The following ANLN variants were observed in gnomAD, a reference collection of about 807,000 sequenced individuals.
ANLN encodes the protein anillin.
ANLN carries 59 observed loss-of-function variants against 135.1 expected under a neutral mutation model. That is an observed-to-expected ratio of 0.44 (90% CI 0.35 to 0.54). The LOEUF (loss-of-function observed/expected upper bound fraction) is 0.54, where lower values mean the gene tolerates loss of function less well. Among genes scored for constraint, ANLN ranks in the 20% least tolerant of loss-of-function variants. The probability of loss-of-function intolerance (pLI) is 0.00; values close to 1 mark genes in which losing one functional copy is unlikely to be tolerated. For synonymous variants in ANLN, 406 were observed against 456.4 expected, an observed-to-expected ratio of 0.89 and a Z score of 1.41; for missense variants, 1,182 against 1,340.0, an observed-to-expected ratio of 0.88 and a Z score of 1.84.
Position 36,447,628 on chromosome 7 carries a change from G to T in ANLN, c.3079-2037G>T, listed in dbSNP as rs568738902. Among the ~76,000 whole-genome samples the T allele has an allele frequency of 7.2e-5, 11 of 151,868 alleles. No homozygotes were observed. In the East Asian group the frequency reaches 2.1e-3, roughly 30 times the overall value. ...TTTTTAGTAGAGACGGGGTTTCACC[G>T]TGTTAGCCAGGATGGTCTTGATCTC... On this transcript the variant is annotated intron_variant, in intron 22 of 23. Transcript: ENST00000265748.
rs1384566348 is a variant in ANLN at position 36,423,853 on chromosome 7, C to A, written c.2513C>A (p.Ala838Glu). Residue 838 changes from alanine (A) to glutamate (E), a missense_variant, in exon 15 of 24, where the codon GCA (alanine) becomes GAA (glutamate). By Grantham distance (107) the Ala-to-Glu change is moderately radical. This residue lies in a region of ANLN where 1,022 missense variants were observed against 1,134.0 expected (regional missense o/e 0.90). Transcript: ENST00000265748. ...ANYYYLIILK[A>E]GAENMVATPL... The stretch of plus-strand genomic sequence containing the variant: ...TACTATTACTTAATTATACTAAAAG[C>A]AGGAGCTGAAAATATGGTAGCCACA... 3 of 1,611,832 alleles carry A rather than the reference C, an allele frequency of 1.9e-6. No individual in the cohort carries two copies. Among genetic ancestry groups the A allele is most frequent in the Non-Finnish European group, 2.5e-6 (3 of 1,178,990 alleles).
chr7:36,407,915 T>C lies in ANLN; in HGVS notation c.1055T>C (p.Ile352Thr). ...VPSKGELSRE[I>T]CLQSQSKDKS... The stretch of plus-strand genomic sequence containing the variant: ...TCCAAGGGAGAATTAAGTAGAGAAA[T>C]TTGTCTGCAATCTCAATCTAAAGAC... The change falls in exon 5 of 24, where the codon ATT becomes ACT. Residue 352 changes from isoleucine (I) to threonine (T), a missense_variant. By Grantham distance (89) the Ile-to-Thr change is moderately conservative. Coordinates refer to ENST00000265748, the MANE Select transcript of ANLN (RefSeq NM_018685.5). 6.2e-7 allele frequency: 1 copy of C among 1,613,728 alleles called. No homozygotes were observed.
chr7:36,445,714 T>C (rs906919479), intron 22 of ANLN, among the ~76,000 whole-genome samples: 2 of 152,228 alleles, frequency 1.3e-5, no homozygotes, highest in African/African-American at 4.8e-5. Flanking sequence ...TACACATGGA[T>C]GAGAGTTCTT....
intron 4 of ANLN, 94 bp downstream of exon 4, chr7:36,406,660 A>T: frequency 6.1e-6 from 7 of 1,153,626 alleles, no homozygotes; most frequent in Non-Finnish European, 8.1e-6. Context: ...GGATGGGTGG[A>T]TATATGTTTT....
chr7:36,403,023 A>G (rs1331305668), intron 3 of ANLN, among the ~76,000 whole-genome samples: 1 of 152,154 alleles, frequency 6.6e-6, no homozygotes, highest in Admixed American at 6.6e-5. Context: ...AGGCTGAGGC[A>G]GGAGAATGTC....
rs1232119109 is a variant in ANLN, at chr7:36,415,698, TAGAA to T, written c.1396-56_1396-53del. On this transcript the variant is annotated intron_variant, in intron 7 of 23. Coordinates refer to ENST00000265748, the MANE Select transcript of ANLN (RefSeq NM_018685.5). ...AATAATCTTGTTTCATTTAATAACA[TAGAA>T]AGATAAAATATATAGTTTTGAGAAA... 17 of 1,466,018 alleles carry T rather than the reference TAGAA, an allele frequency of 1.2e-5. No homozygotes were observed. In the Admixed American group the frequency reaches 2.1e-4, roughly 18 times the overall value. 90.8% of individuals were successfully genotyped at this position (1,466,018 alleles called of 1,614,324 possible).
chr7:36,443,649 A>C, intron 21 of ANLN, 106 bp from the exon 22 acceptor site: 1 of 641,058 alleles, frequency 1.6e-6, no homozygotes, highest in Middle Eastern at 3.0e-4. Flanking sequence ...AGGTTTTGAG[A>C]TATGAAATAT....
At chr7:36,398,704 T>G (rs985683749) in intron 2 of ANLN, among the ~76,000 whole-genome samples, 5 of 152,176 alleles carry the variant, frequency 3.3e-5, no homozygotes, top group Non-Finnish European at 7.3e-5. Context: ...GAGATTTTGG[T>G]GCACACATCA....
chr7:36,428,341 G>T (rs1330758135), intron 20 of ANLN: 1 of 1,283,726 alleles, frequency 7.8e-7, no homozygotes, highest in Admixed American at 2.3e-5. Context: ...GAGCTACTGG[G>T]CTATTTGTTC....
intron 19 of ANLN, among the ~76,000 whole-genome samples, chr7:36,426,646 GT>G (rs1191060884): frequency 6.6e-6 from 1 of 152,026 alleles, no homozygotes; most frequent in African/African-American, 2.4e-5. Context: ...TCTTTTCCAT[GT>G]TTTTTATCGG....
rs1325822175 is a variant in ANLN, at chr7:36,421,913, T to C, written c.2220T>C (p.Ala740=). Residue 740 remains alanine, a synonymous_variant, in exon 13 of 24, where the codon GCT becomes GCC. Transcript: ENST00000265748. The part of the protein sequence containing the change: ...QQTVIYQASQ[A]LNCCVDEEHG... ...CAGTGATCTATCAAGCTAGCCAGGC[T>C]CTTAACTGCTGTGTTGATGAAGAAC... 2 of 1,613,792 alleles carry C rather than the reference T, an allele frequency of 1.2e-6. No individual in the cohort carries two copies. Among genetic ancestry groups the C allele is most frequent in the Admixed American group, 1.7e-5 (1 of 59,998 alleles).
In ANLN at chr7:36,437,000, T is replaced by TA. The variant is rs1207748348; in HGVS notation, c.2884-2203dup. 2.0e-5 allele frequency among the ~76,000 whole-genome samples: 3 copies of TA among 152,218 alleles called. No individual in the cohort carries two copies. The South Asian group carries it at 6.2e-4, about 32-fold the overall frequency. On this transcript the variant is annotated intron_variant, in intron 20 of 23. Coordinates refer to ENST00000265748, the MANE Select transcript of ANLN (RefSeq NM_018685.5). The stretch of plus-strand genomic sequence containing the variant: ...TAATTTTTTTTATTATGGTAAATAA[T>TA]ACATGGTATTTATCTTTTGAAGAAA...
At chr7:36,444,319 GGTGTGT>G (rs375976504) in intron 22 of ANLN, among the ~76,000 whole-genome samples, 2 of 149,246 alleles carry the variant, frequency 1.3e-5, no homozygotes, top group African/African-American at 4.9e-5. Context: ...TTTTGTTGTA[GGTGTGT>G]GTGTGTGTGT....
intron 7 of ANLN, 90 bp downstream of exon 7, chr7:36,411,256 A>G: frequency 9.7e-7 from 1 of 1,033,786 alleles, no homozygotes; most frequent in Non-Finnish European, 1.4e-6. Flanking sequence ...AATTCTTTAC[A>G]CATTTTTCTT....
rs1212431177 is a variant in ANLN at position 36,406,198 on chromosome 7, T to G, written c.505T>G (p.Ser169Ala). 6.3e-7 allele frequency: 1 copy of G among 1,594,152 alleles called. No individual in the cohort carries two copies. Among genetic ancestry groups the G allele is most frequent in the South Asian group, 1.1e-5 (1 of 90,452 alleles). The change falls in exon 4 of 24, where the codon TCA becomes GCA. Residue 169 changes from serine (S) to alanine (A), a missense_variant. Physicochemically the swap from Ser to Ala is moderately conservative, Grantham distance 99. This residue lies in a region of ANLN where 1,022 missense variants were observed against 1,134.0 expected (regional missense o/e 0.90). Coordinates refer to ENST00000265748, the MANE Select transcript of ANLN (RefSeq NM_018685.5). ...DDMTDDIPESSLFSPMPSEEK... is the reference protein window; with the variant it reads ...DDMTDDIPESALFSPMPSEEK... ...ATTTTCAGATGACATTCCTGAAAGC[T>G]CACTCTTCTCACCAATGCCATCAGA...
At chr7:36,438,493 T>C (rs1415624228) in intron 20 of ANLN, among the ~76,000 whole-genome samples, 3 of 152,196 alleles carry the variant, frequency 2.0e-5, no homozygotes, top group Non-Finnish European at 2.9e-5. Flanking sequence ...TGCCTCAGCC[T>C]TCCAAGTAGC....
At chr7:36,426,805 T>C (rs1788096969) in intron 19 of ANLN, 111 bp from the exon 20 acceptor site, 1 of 530,330 alleles carries the variant, frequency 1.9e-6, no homozygotes, top group East Asian at 3.3e-5. Context: ...GAGGCAGTTT[T>C]TTTTTCTCTG....
In ANLN at chr7:36,446,803, T is replaced by G. The variant is rs149567013; in HGVS notation, c.3079-2862T>G. 7.8e-4 allele frequency among the ~76,000 whole-genome samples: 119 copies of G among 152,302 alleles called. 1 individual carries two copies. In the East Asian group the frequency reaches 0.022, roughly 28 times the overall value. ...TCATTCACTGATCCACAATGCCATT[T>G]CTCATGTGTATCAAGATGTCATTAT... On this transcript the variant is annotated intron_variant, in intron 22 of 23. Transcript: ENST00000265748.
intron 7 of ANLN, among the ~76,000 whole-genome samples, chr7:36,414,127 G>A (rs757437954): frequency 3.3e-5 from 5 of 152,202 alleles, no homozygotes; most frequent in African/African-American, 7.2e-5. Context: ...TTGCTGTAAC[G>A]TGGCAAGAGC....
Sources: gnomAD v4.1 joint callset for allele counts (sites outside exome capture counted in the v4.1 genomes callset) on GRCh38, gnomAD v4.1.1 for gene constraint, gnomAD v4.1.1 regional missense constraint, MANE v1.5 for transcripts, NCBI Gene and HGNC (gene_info 2026-07-23, HGNC 2026-07-21) for gene names.